The following RSRC1 variants were observed in gnomAD, a reference collection of about 807,000 sequenced individuals.
The protein encoded by RSRC1 is serine/Arginine-related protein 53.
Under a neutral mutation model 49.1 loss-of-function variants are expected in RSRC1, and 39 were observed. The observed-to-expected ratio is 0.79, with a 90% CI of 0.61 to 1.04. RSRC1 has a LOEUF of 1.04. RSRC1 is among the 50% of genes least tolerant of loss of function. RSRC1 has a pLI of 0.00. For synonymous variants in RSRC1, 143 were observed against 130.8 expected (o/e 1.09, Z -0.63); for missense variants, 388 against 402.4 (o/e 0.96, Z 0.31).
chr3:158,519,485 C>T (rs1239610833), intron 7 of RSRC1, among the ~76,000 whole-genome samples: 2 of 151,388 alleles, frequency 1.3e-5, no homozygotes, highest in African/African-American at 2.4e-5. Flanking sequence ...AGGGACTTGC[C>T]ACCCAAAGAG....
At chr3:158,540,258 A>G (rs889618476) in intron 8 of RSRC1, among the ~76,000 whole-genome samples, 2 of 152,222 alleles carry the variant, frequency 1.3e-5, no homozygotes, top group African/African-American at 4.8e-5. Flanking sequence ...GGCAAAAAAA[A>G]TTGCTGACAC....
chr3:158,491,186 C>T (rs1739070082), intron 7 of RSRC1, among the ~76,000 whole-genome samples: 1 of 152,094 alleles, frequency 6.6e-6, no homozygotes, highest in South Asian at 2.1e-4. Flanking sequence ...TAGGAAATAG[C>T]CCAGAAGAAA....
chr3:158,262,814 A>G (rs1244006117), intron 4 of RSRC1, among the ~76,000 whole-genome samples: 3 of 152,022 alleles, frequency 2.0e-5, no homozygotes, highest in Non-Finnish European at 4.4e-5. Flanking sequence ...TTTTGAAATT[A>G]TTTATATATA....
intron 7 of RSRC1, among the ~76,000 whole-genome samples, chr3:158,519,992 A>G (rs1356482664): frequency 4.6e-5 from 7 of 152,136 alleles, no homozygotes; most frequent in African/African-American, 1.7e-4. Flanking sequence ...AGCCAAATGA[A>G]AAAAAAGTTT....
At chr3:158,481,137 T>C (rs1344859070) in intron 7 of RSRC1, among the ~76,000 whole-genome samples, 2 of 152,100 alleles carry the variant, frequency 1.3e-5, no homozygotes, top group Admixed American at 6.6e-5. Context: ...GTGTCGTTTA[T>C]ATTGTCATGT....
chr3:158,117,509 T>C (rs1305184397), intron 1 of RSRC1, among the ~76,000 whole-genome samples: 1 of 68,836 alleles, frequency 1.5e-5, no homozygotes, highest in East Asian at 6.3e-4. Flanking sequence ...CAGGCTGGTC[T>C]CAAACTCCCT....
intron 6 of RSRC1, among the ~76,000 whole-genome samples, chr3:158,398,664 T>C (rs9880806): frequency 0.52 from 79,227 of 151,890 alleles, 21,080 homozygotes; most frequent in African/African-American, 0.61. Context: ...ATGATAAATT[T>C]GCACCATCTC....
At chr3:158,282,692 G>T (rs986606125) in intron 4 of RSRC1, among the ~76,000 whole-genome samples, 1 of 152,118 alleles carries the variant, frequency 6.6e-6, no homozygotes. Flanking sequence ...AGTTTAATTG[G>T]TTCTTGTACA....
chr3:158,252,932 C>A (rs1025954334), intron 4 of RSRC1, among the ~76,000 whole-genome samples: 1 of 152,000 alleles, frequency 6.6e-6, no homozygotes, highest in African/African-American at 2.4e-5. Flanking sequence ...GTTGTAGTGT[C>A]TCCTTTTTCA....
chr3:158,354,827 TG>T, intron 5 of RSRC1, 29 bp from the exon 6 acceptor site: 1 of 1,517,486 alleles, frequency 6.6e-7, no homozygotes, highest in Non-Finnish European at 8.9e-7. Context: ...AAGTCTTGTA[TG>T]GTTGAATTTT....
intron 4 of RSRC1, among the ~76,000 whole-genome samples, chr3:158,296,268 A>G (rs1727232474): frequency 6.6e-6 from 1 of 152,082 alleles, no homozygotes; most frequent in East Asian, 1.9e-4. Context: ...TACAAAACAG[A>G]GTGTATAATA....
At chr3:158,192,638 T>C (rs1720314175) in intron 3 of RSRC1, among the ~76,000 whole-genome samples, 1 of 152,050 alleles carries the variant, frequency 6.6e-6, no homozygotes. Context: ...CTGCTTCCTC[T>C]GGGACAGTGC....
chr3:158,114,158 G>T (rs1714628400), intron 1 of RSRC1, among the ~76,000 whole-genome samples: 1 of 152,110 alleles, frequency 6.6e-6, no homozygotes, highest in African/African-American at 2.4e-5. Flanking sequence ...AATCTATCTT[G>T]AGTTAATTTT....
chr3:158,362,595 C>T (rs569257263), intron 6 of RSRC1, among the ~76,000 whole-genome samples: 1 of 152,080 alleles, frequency 6.6e-6, no homozygotes, highest in Non-Finnish European at 1.5e-5. Flanking sequence ...TATGACATAA[C>T]CTGACTTTTT....
intron 6 of RSRC1, among the ~76,000 whole-genome samples, chr3:158,412,755 C>A (rs1452809609): frequency 3.3e-5 from 5 of 151,984 alleles, no homozygotes; most frequent in African/African-American, 1.2e-4. Flanking sequence ...GAGTTCAAGA[C>A]CAGTCTGGAC....
At chr3:158,316,467 G>C (rs1728462560) in intron 5 of RSRC1, among the ~76,000 whole-genome samples, 1 of 85,212 alleles carries the variant, frequency 1.2e-5, no homozygotes. Context: ...TTTTTTTTGA[G>C]ACGGAGTCTC....
chr3:158,422,449 C>T (rs1378836723), intron 6 of RSRC1, among the ~76,000 whole-genome samples: 1 of 151,394 alleles, frequency 6.6e-6, no homozygotes, highest in African/African-American at 2.4e-5. Flanking sequence ...TGTATATGTG[C>T]CACATTTTCT....
chr3:158,460,675 A>G (rs907288711), intron 6 of RSRC1, among the ~76,000 whole-genome samples: 2 of 151,884 alleles, frequency 1.3e-5, no homozygotes, highest in Non-Finnish European at 2.9e-5. Context: ...TCATCATTTA[A>G]ATGTGTCTTG....
chr3:158,355,492 A>G (rs1476588193), intron 6 of RSRC1, among the ~76,000 whole-genome samples: 3 of 151,914 alleles, frequency 2.0e-5, no homozygotes, highest in South Asian at 4.1e-4. Context: ...GATCAGTGTC[A>G]TTTAGTAATT....
Sources: allele counts gnomAD v4.1 joint callset (sites outside exome capture counted in the v4.1 genomes callset), GRCh38; gene constraint gnomAD v4.1.1; transcripts MANE v1.5; gene names NCBI Gene and HGNC (gene_info 2026-07-23, HGNC 2026-07-21).